TG: variants seen among roughly 807,000 people sequenced by gnomAD.
The protein encoded by TG is thyroglobulin, also known as thyroid hormones.
Under a neutral mutation model 324.7 loss-of-function variants are expected in TG, and 270 were observed. The ratio of observed to expected loss-of-function variants is 0.83; its 90% CI spans 0.75 to 0.92. TG has a LOEUF of 0.92. Among genes scored for constraint, TG ranks in the 40% least tolerant of loss-of-function variants. TG has a pLI of 0.00. For missense variants in TG, 3,591 were observed against 3,456.4 expected (o/e 1.04, Z -0.98); for synonymous variants, 1,401 against 1,327.0 (o/e 1.06, Z -1.21).
At chr8:133,095,703 G>A (rs1449895671) in intron 42 of TG, among the ~76,000 whole-genome samples, 1 of 152,178 alleles carries the variant, frequency 6.6e-6, no homozygotes, top group Non-Finnish European at 1.5e-5. Flanking sequence ...CCAAATCTCT[G>A]GCTGGCCTTC....
intron 41 of TG, 143 bp from the exon 42 acceptor site, chr8:133,094,901 A>T: frequency 9.2e-7 from 1 of 1,083,140 alleles, no homozygotes. Context: ...TTATCTTCCC[A>T]TTGTGTGCAG....
chr8:132,979,975 T>C (rs1324355435), intron 34 of TG, among the ~76,000 whole-genome samples: 1 of 152,030 alleles, frequency 6.6e-6, no homozygotes, highest in African/African-American at 2.4e-5. Context: ...GGTCAATAAT[T>C]TGCTAGAATG....
chr8:132,916,359 A>G (rs144108419), intron 20 of TG, among the ~76,000 whole-genome samples: 2 of 152,312 alleles, frequency 1.3e-5, no homozygotes, highest in African/African-American at 4.8e-5. Flanking sequence ...TCTGCCTCCA[A>G]GTTCTTTGTT....
chr8:132,882,581 A>C lies in TG; in HGVS notation c.858A>C (p.Ala286=). The change falls in exon 7 of 48, where the codon GCA becomes GCC. Residue 286 remains alanine, a synonymous_variant. Transcript: ENST00000220616. ...LYRILQRRFL[A]VQSVISGRFR... is the part of the protein sequence containing the mutation. Reference sequence around the variant, plus strand: ...GGATACTGCAGAGACGGTTCCTCGCAGTTCAATCAGTCATCTCTGGCAGAT... The same window carrying C: ...GGATACTGCAGAGACGGTTCCTCGCCGTTCAATCAGTCATCTCTGGCAGAT... The C allele has an allele frequency of 6.2e-7, 1 of 1,614,210 alleles. No individual in the cohort carries two copies. Among genetic ancestry groups the C allele is most frequent in the Non-Finnish European group, 8.5e-7 (1 of 1,180,048 alleles).
chr8:132,961,458 C>T (rs900356487), intron 28 of TG, among the ~76,000 whole-genome samples: 9 of 152,144 alleles, frequency 5.9e-5, no homozygotes, highest in Non-Finnish European at 1.2e-4. Context: ...GGGGACAGGA[C>T]CCCAGGCAGG....
chr8:133,131,990 C>A, intron 46 of TG, 44 bp downstream of exon 46: 1 of 1,613,224 alleles, frequency 6.2e-7, no homozygotes, highest in Non-Finnish European at 8.5e-7. Context: ...CTGTGCTTTT[C>A]CTCCCGCTTC....
At chr8:133,006,926 T>C (rs1389160578) in intron 35 of TG, among the ~76,000 whole-genome samples, 1 of 152,250 alleles carries the variant, frequency 6.6e-6, no homozygotes, top group East Asian at 1.9e-4. Flanking sequence ...CCATAATATG[T>C]AGTCAGTTGG....
intron 10 of TG, among the ~76,000 whole-genome samples, chr8:132,893,036 G>A (rs1304009333): frequency 1.4e-5 from 2 of 145,034 alleles, no homozygotes; most frequent in African/African-American, 5.1e-5. Flanking sequence ...ATGTGTGTAT[G>A]GTATGTGATG....
chr8:132,916,458 A>C (rs2132420118), intron 20 of TG, among the ~76,000 whole-genome samples: 1 of 152,262 alleles, frequency 6.6e-6, no homozygotes, highest in Admixed American at 6.5e-5. Context: ...TCTTATTGGC[A>C]CTTTTCCCTT....
chr8:132,871,803 C>A (rs1039720701), intron 4 of TG, among the ~76,000 whole-genome samples: 1 of 152,196 alleles, frequency 6.6e-6, no homozygotes, highest in African/African-American at 2.4e-5. Context: ...CTGTTGCAGA[C>A]CTGAGTCACT....
At chr8:133,082,313 A>G (rs1845872745) in intron 41 of TG, among the ~76,000 whole-genome samples, 1 of 152,212 alleles carries the variant, frequency 6.6e-6, no homozygotes, top group Non-Finnish European at 1.5e-5. Context: ...GGCACTTTGC[A>G]TGACTGGGGC....
intron 28 of TG, among the ~76,000 whole-genome samples, chr8:132,962,763 GT>G (rs1827945393): frequency 6.6e-6 from 1 of 152,106 alleles, no homozygotes. Flanking sequence ...AGGGCTTTGC[GT>G]ATGTTAATAA....
chr8:133,028,360 C>T (rs1213035744), intron 40 of TG, among the ~76,000 whole-genome samples: 1 of 152,216 alleles, frequency 6.6e-6, no homozygotes, highest in African/African-American at 2.4e-5. Flanking sequence ...AGTCCCAGAA[C>T]ACAAAATGCA....
At chr8:133,132,146 A>G (rs1471154989) in intron 46 of TG, among the ~76,000 whole-genome samples, 200 bp downstream of exon 46, 1 of 152,234 alleles carries the variant, frequency 6.6e-6, no homozygotes, top group East Asian at 1.9e-4. Context: ...CTTCATGAAG[A>G]AAAGCTCTAA....
At position 132,882,992 on chromosome 8, in the gene TG, A is replaced by G; in HGVS notation, c.1068A>G (p.Pro356=). Residue 356 remains proline (P), a synonymous_variant, in exon 8 of 48, where the codon CCA becomes CCG. Transcript: ENST00000220616. Reference sequence around the variant, plus strand: ...GAACCCGGCAGCAAGGGGAGCCGCCATCTTGTGGTGGGTTTCCTCTGGGGG... The same window carrying G: ...GAACCCGGCAGCAAGGGGAGCCGCCGTCTTGTGGTGGGTTTCCTCTGGGGG... The part of the protein sequence containing the change: ...MHGTRQQGEP[P]SCAEGQSCAS... The G allele has an allele frequency of 1.2e-6, 2 of 1,613,844 alleles. No homozygotes were observed. Among genetic ancestry groups the G allele is most frequent in the East Asian group, 2.2e-5 (1 of 44,868 alleles).
At chr8:132,867,675 T>C (rs1173512411) in intron 1 of TG, among the ~76,000 whole-genome samples, 1 of 152,042 alleles carries the variant, frequency 6.6e-6, no homozygotes, top group Non-Finnish European at 1.5e-5. Flanking sequence ...TTTCAATGTT[T>C]ATCTGGAACA....
At chr8:133,047,701 A>T in intron 41 of TG, 1 of 705,354 alleles carries the variant, frequency 1.4e-6, no homozygotes, top group Non-Finnish European at 2.6e-6. Flanking sequence ...GGCTGCAGGG[A>T]GCTTAACTAC....
At chr8:132,921,384 T>C (rs1821093158) in intron 21 of TG, among the ~76,000 whole-genome samples, 1 of 152,236 alleles carries the variant, frequency 6.6e-6, no homozygotes, top group Non-Finnish European at 1.5e-5. Flanking sequence ...ACATCTTCCC[T>C]GAGCAGTGAA....
At chr8:133,033,615 G>T (rs569618102) in intron 41 of TG, among the ~76,000 whole-genome samples, 2 of 152,096 alleles carry the variant, frequency 1.3e-5, no homozygotes, top group Non-Finnish European at 2.9e-5. Flanking sequence ...TACACTCCAG[G>T]CTCACTAGCT....
Sources: gnomAD v4.1 joint callset for allele counts (sites outside exome capture counted in the v4.1 genomes callset) on GRCh38, gnomAD v4.1.1 for gene constraint, MANE v1.5 for transcripts, NCBI Gene and HGNC (gene_info 2026-07-23, HGNC 2026-07-21) for gene names.